NCOA7: variants seen among roughly 807,000 people sequenced by gnomAD.
The protein encoded by NCOA7 is 140 kDa estrogen receptor-associated protein.
NCOA7 carries 45 observed loss-of-function variants against 104.3 expected under a neutral mutation model. The observed-to-expected ratio is 0.43, with a 90% confidence interval of 0.34 to 0.55. The LOEUF is 0.55. Ranked by LOEUF, NCOA7 falls within the 20% of genes least tolerant of loss-of-function variation. The pLI is 0.02. For missense variants in NCOA7, 1,041 were observed against 1,119.7 expected, an observed-to-expected ratio of 0.93 and a Z score of 1.00; for synonymous variants, 398 against 402.3, an observed-to-expected ratio of 0.99 and a Z score of 0.13.
intron 10 of NCOA7, among the ~76,000 whole-genome samples, chr6:125,901,747 T>C (rs759433971): frequency 2.0e-5 from 3 of 152,158 alleles, no homozygotes; most frequent in Non-Finnish European, 2.9e-5. Flanking sequence ...GCCCTCTTGG[T>C]ACCCGGGTTC....
Position 125,920,923 on chromosome 6 carries a change from G to C in NCOA7, c.2245-20G>C. On this transcript the variant is annotated intron_variant, in intron 11 of 15. Transcript: ENST00000392477. ...GAAAAGCCAATAAGTTATTTTTCTT[G>C]GCTTGTTTTCTCATTTCAGATCATC... The C allele has an allele frequency of 6.2e-7, 1 of 1,608,780 alleles. No homozygotes were observed. The highest frequency in any genetic ancestry group is 1.1e-5 in the South Asian group (1 of 90,900).
intron 1 of NCOA7, among the ~76,000 whole-genome samples, chr6:125,804,888 T>C (rs1776289208): frequency 6.6e-6 from 1 of 152,032 alleles, no homozygotes; most frequent in Admixed American, 6.5e-5. Context: ...ACGTAAGGGG[T>C]AATTAATTTA....
At chr6:125,839,039 C>T (rs1200664336) in intron 2 of NCOA7, among the ~76,000 whole-genome samples, 1 of 151,902 alleles carries the variant, frequency 6.6e-6, no homozygotes, top group African/African-American at 2.4e-5. Context: ...TTCAGAACTT[C>T]GACATTTAAG....
chr6:125,806,147 C>T (rs1145984), intron 1 of NCOA7, among the ~76,000 whole-genome samples: 8,407 of 152,160 alleles, frequency 0.055, 757 homozygotes, highest in African/African-American at 0.19. Context: ...TCAAGACCAA[C>T]CTGGCCAACA....
At chr6:125,803,806 G>C (rs911219827) in intron 1 of NCOA7, among the ~76,000 whole-genome samples, 2 of 152,160 alleles carry the variant, frequency 1.3e-5, no homozygotes, top group Non-Finnish European at 2.9e-5. Flanking sequence ...TTTTGGAAAG[G>C]CATTCCATTT....
At chr6:125,896,320 G>T (rs1005243212) in intron 10 of NCOA7, among the ~76,000 whole-genome samples, 1 of 152,006 alleles carries the variant, frequency 6.6e-6, no homozygotes, top group Admixed American at 6.6e-5. Context: ...CCAGATGCTT[G>T]GAACACTGAG....
chr6:125,828,426 T>C (rs1231946580), intron 2 of NCOA7, among the ~76,000 whole-genome samples: 2 of 152,256 alleles, frequency 1.3e-5, no homozygotes, highest in South Asian at 2.1e-4. Flanking sequence ...TTGATGTGAA[T>C]AGGAGGTAAG....
At chr6:125,848,801 A>AAAAT (rs920279271) in intron 2 of NCOA7, among the ~76,000 whole-genome samples, 1 of 152,200 alleles carries the variant, frequency 6.6e-6, no homozygotes, top group Non-Finnish European at 1.5e-5. Flanking sequence ...AGTATAATAA[A>AAAAT]AAATAAATAA....
intron 1 of NCOA7, among the ~76,000 whole-genome samples, chr6:125,805,087 C>CTTTTTTTTTTTTTTTTTT (rs59737297): frequency 1.7e-5 from 1 of 58,050 alleles, no homozygotes; most frequent in African/African-American, 6.2e-5. Flanking sequence ...CCCTCTTGTT[C>CTTTTTTTTTTTTTTTTTT]TTTTTTTTTT....
At position 125,826,253 on chromosome 6, in the gene NCOA7, G is replaced by GGA. The variant is rs576994133; in HGVS notation, c.50+10851_50+10852dup. 3.8e-3 allele frequency among the ~76,000 whole-genome samples: 576 copies of GGA among 152,014 alleles called. 6 individuals are homozygous for GGA. The highest frequency in any genetic ancestry group is 0.013 in the African/African-American group (540 of 41,450). On this transcript the variant is annotated intron_variant, in intron 2 of 15. Transcript: ENST00000392477. ...GAGGCAGGAGAATTGCTTGAACCTGGGAGGCAGAGGTTGCAGTGAGTGAGC... is the reference window on the plus strand; with the variant it reads ...GAGGCAGGAGAATTGCTTGAACCTGGGAGAGGCAGAGGTTGCAGTGAGTGAGC...
Position 125,931,086 on chromosome 6 carries a change from A to T in NCOA7, c.*2315A>T, listed in dbSNP as rs1475118544. On this transcript the variant is annotated 3_prime_UTR_variant, in exon 16 of 16. Transcript: ENST00000392477. ...AATGCAGTGCTATCCCAATATTTTC[A>T]ATAAAGGACTTTATGCATTCAGTGA... 3 of 152,658 alleles carry T rather than the reference A, an allele frequency of 2.0e-5. No homozygotes were observed. The highest frequency in any genetic ancestry group is 7.2e-5 in the African/African-American group (3 of 41,458). The allele number at this position is 152,658 out of a possible 1,614,324, so 9.5% of individuals were successfully genotyped here. A position where few individuals can be genotyped will look rare whatever the true frequency, so the allele number is the denominator to read the frequency against.
In NCOA7 at chr6:125,855,009, CT is replaced by C. The variant is rs1562914992; in HGVS notation, c.51-10del. On this transcript the variant is annotated splice_polypyrimidine_tract_variant and intron_variant, in intron 2 of 15. Coordinates refer to ENST00000392477, the MANE Select transcript of NCOA7 (RefSeq NM_181782.5). ...CTCCAATGTTTTTTCTTTTTTTTCC[CT>C]CTTTCCTAGACTGAAAAAGAAAAAA... 1 of 1,568,562 alleles carries C rather than the reference CT, an allele frequency of 6.4e-7. No individual in the cohort carries two copies. The highest frequency in any genetic ancestry group is 8.6e-7 in the Non-Finnish European group (1 of 1,161,492).
At chr6:125,869,009 A>G (rs1583420456) in intron 3 of NCOA7, among the ~76,000 whole-genome samples, 1 of 152,280 alleles carries the variant, frequency 6.6e-6, no homozygotes, top group East Asian at 1.9e-4. Flanking sequence ...TAATTTTCCA[A>G]ACTTCTGTTT....
chr6:125,811,897 A>G (rs571638985), intron 1 of NCOA7, among the ~76,000 whole-genome samples: 1 of 152,228 alleles, frequency 6.6e-6, no homozygotes, highest in Non-Finnish European at 1.5e-5. Flanking sequence ...TTGACTCCGG[A>G]CTACTTTTTC....
chr6:125,924,943 G>C (rs1357744171), intron 13 of NCOA7, among the ~76,000 whole-genome samples: 1 of 152,124 alleles, frequency 6.6e-6, no homozygotes, highest in Non-Finnish European at 1.5e-5. Flanking sequence ...CCAAGCAAGT[G>C]TGGCCTAGAG....
At chr6:125,845,410 C>T (rs527807151) in intron 2 of NCOA7, among the ~76,000 whole-genome samples, 1 of 152,244 alleles carries the variant, frequency 6.6e-6, no homozygotes, top group African/African-American at 2.4e-5. Context: ...TGTTTGTTAA[C>T]CTTATAATTA....
intron 2 of NCOA7, among the ~76,000 whole-genome samples, chr6:125,823,739 T>C (rs561294460): frequency 3.1e-4 from 47 of 152,350 alleles, no homozygotes; most frequent in Non-Finnish European, 5.3e-4. Flanking sequence ...GCTAAGTTAC[T>C]TAATTCTGTG....
At chr6:125,839,609 C>T (rs918760742) in intron 2 of NCOA7, among the ~76,000 whole-genome samples, 2 of 152,102 alleles carry the variant, frequency 1.3e-5, no homozygotes, top group African/African-American at 4.8e-5. Flanking sequence ...AAAAGACGCT[C>T]TTTATCACTC....
Position 125,928,696 on chromosome 6 carries a change from C to T in NCOA7, c.2754C>T (p.Ser918=). ...ACCACGGACGAAGCAACTCTTGCAG[C>T]ACTTTCAATAATGATATTCTTTCCA... ...DLYHGRSNSC[S]TFNNDILSKK... The change falls in exon 16 of 16, where the codon AGC becomes AGT. Residue 918 remains serine, a synonymous_variant. Transcript: ENST00000392477. 6.2e-7 allele frequency: 1 copy of T among 1,613,300 alleles called. No homozygotes were observed. The highest frequency in any genetic ancestry group is 8.5e-7 in the Non-Finnish European group (1 of 1,179,790).
Sources: gnomAD v4.1 joint callset for allele counts (sites outside exome capture counted in the v4.1 genomes callset) on GRCh38, gnomAD v4.1.1 for gene constraint, MANE v1.5 for transcripts, NCBI Gene and HGNC (gene_info 2026-07-23, HGNC 2026-07-21) for gene names.